RTL10: variants seen among roughly 807,000 people sequenced by gnomAD.
RTL10 encodes the protein protein Bop.
For missense variants in RTL10, 477 were observed against 470.7 expected, an observed-to-expected ratio of 1.01 and a Z score of -0.12; for synonymous variants, 199 against 188.4, an observed-to-expected ratio of 1.06 and a Z score of -0.46.
intron 2 of RTL10, among the ~76,000 whole-genome samples, chr22:19,853,065 C>A (rs1183888750): frequency 6.6e-6 from 1 of 152,168 alleles, no homozygotes; most frequent in Admixed American, 6.5e-5. Context: ...TACCTGCTTC[C>A]CCGACAGAGC....
At position 19,849,130 on chromosome 22, in the gene RTL10, T is replaced by A. The variant is rs1221932286; in HGVS notation, c.*2037A>T. 1.0e-6 allele frequency: 1 copy of A among 985,402 alleles called. No individual in the cohort carries two copies. Among genetic ancestry groups the A allele is most frequent in the East Asian group, 1.1e-4 (1 of 8,812 alleles). The allele number at this position is 985,402 out of a possible 1,614,324, so 61.0% of individuals were successfully genotyped here. A position where few individuals can be genotyped will look rare whatever the true frequency, so the allele number is the denominator to read the frequency against. ...AGGGACTTCTCACATCTGACCAGAA[T>A]CAAGACTGAAAATGGGTTTCTTCTG... On this transcript the variant is annotated 3_prime_UTR_variant, in exon 3 of 3. Transcript: ENST00000328554.
chr22:19,846,340 A>AC lies in RTL10; in HGVS notation c.*4826dup. The AC allele has an allele frequency of 1.2e-6, 1 of 815,196 alleles. No individual in the cohort carries two copies. Among genetic ancestry groups the AC allele is most frequent in the Non-Finnish European group, 1.5e-6 (1 of 674,068 alleles). The allele number at this position is 815,196 out of a possible 1,614,324, so 50.5% of individuals were successfully genotyped here. A position where few individuals can be genotyped will look rare whatever the true frequency, so the allele number is the denominator to read the frequency against. On this transcript the variant is annotated 3_prime_UTR_variant, in exon 3 of 3. Coordinates refer to ENST00000328554, the MANE Select transcript of RTL10 (RefSeq NM_024627.6). ...TGGGAATACAGGATAATGCCTTTGT[A>AC]CCCCCCAGGTAGGGAAAGATTTCTT... is the stretch of plus-strand genomic sequence containing the variant.
In RTL10 at chr22:19,851,768, G is replaced by A. The variant is rs770358573; in HGVS notation, c.494C>T (p.Pro165Leu). ...APYLDGDLPL[P>L]DDYELFCQDL... ...CTGGCAGAAGAGCTCGTAATCGTCAGGCAGGGGCAGGTCCCCATCAAGGTA... is the reference window on the plus strand; with the variant it reads ...CTGGCAGAAGAGCTCGTAATCGTCAAGCAGGGGCAGGTCCCCATCAAGGTA... Residue 165 changes from proline to leucine, a missense_variant, in exon 3 of 3, where the codon CCT becomes CTT. Transcript: ENST00000328554. 6.2e-7 allele frequency: 1 copy of A among 1,612,462 alleles called. No homozygotes were observed. Among genetic ancestry groups the A allele is most frequent in the Admixed American group, 1.7e-5 (1 of 59,926 alleles).
Position 19,846,516 on chromosome 22 carries a change from A to G in RTL10, c.*4651T>C, listed in dbSNP as rs992342602. On this transcript the variant is annotated 3_prime_UTR_variant, in exon 3 of 3. Transcript: ENST00000328554. ...TGTGGAGACCACAGAAGCCTGCCCA[A>G]TATAGCGCTGCCAGGAACAGCAAAG... The G allele has an allele frequency of 6.1e-6, 6 of 985,368 alleles. No homozygotes were observed. In the African/African-American group the frequency reaches 1.0e-4, roughly 17 times the overall value. 61.0% of individuals were successfully genotyped at this position (985,368 alleles called of 1,614,324 possible).
Position 19,851,100 on chromosome 22 carries a change from A to G in RTL10, c.*67T>C, listed in dbSNP as rs1461036266. On this transcript the variant is annotated 3_prime_UTR_variant, in exon 3 of 3. Transcript: ENST00000328554. The stretch of plus-strand genomic sequence containing the variant: ...CACCACTCTGCTCTGACTGGGGACT[A>G]TGGGGCGCTCAAGCCACACAGGCCA... 2 of 1,499,764 alleles carry G rather than the reference A, an allele frequency of 1.3e-6. No individual in the cohort carries two copies. The highest frequency in any genetic ancestry group is 2.3e-5 in the Admixed American group (1 of 44,058). The allele number at this position is 1,499,764 out of a possible 1,614,324, so 92.9% of individuals were successfully genotyped here.
At position 19,847,436 on chromosome 22, in the gene RTL10, C is replaced by G. The variant is rs1937986653; in HGVS notation, c.*3731G>C. On this transcript the variant is annotated 3_prime_UTR_variant, in exon 3 of 3. Coordinates refer to ENST00000328554, the MANE Select transcript of RTL10 (RefSeq NM_024627.6). The stretch of plus-strand genomic sequence containing the variant: ...CACCCATGAGGTGGGTGTTAGAGGG[C>G]CCAGACCCCAGCCAAGGCACTGCAT... 5 of 985,270 alleles carry G rather than the reference C, an allele frequency of 5.1e-6. No homozygotes were observed. The highest frequency in any genetic ancestry group is 6.0e-6 in the Non-Finnish European group (5 of 829,914). 61.0% of individuals were successfully genotyped at this position (985,270 alleles called of 1,614,324 possible).
Position 19,848,887 on chromosome 22 carries a change from G to A in RTL10, c.*2280C>T. The A allele has an allele frequency of 3.0e-6, 3 of 985,394 alleles. No homozygotes were observed. Among genetic ancestry groups the A allele is most frequent in the Non-Finnish European group, 3.6e-6 (3 of 829,910 alleles). The allele number at this position is 985,394 out of a possible 1,614,324, so 61.0% of individuals were successfully genotyped here. On this transcript the variant is annotated 3_prime_UTR_variant, in exon 3 of 3. Transcript: ENST00000328554. ...AGGTGGCCTGTCCAGAAGCCTGTGGGACAGGGTAAAGGTCAGCTGGGTGAC... is the reference window on the plus strand; with the variant it reads ...AGGTGGCCTGTCCAGAAGCCTGTGGAACAGGGTAAAGGTCAGCTGGGTGAC...
chr22:19,849,957 TTTC>T lies in RTL10; in HGVS notation c.*1207_*1209del, dbSNP rs1353429330. The T allele has an allele frequency of 1.0e-6, 1 of 985,394 alleles. No individual in the cohort carries two copies. The highest frequency in any genetic ancestry group is 1.7e-5 in the African/African-American group (1 of 57,226). 61.0% of individuals were successfully genotyped at this position (985,394 alleles called of 1,614,324 possible). ...AACCCCTCCTTGTGTGGAACAGGTCTTTCTTCATTCCATTCCTCTGGGCCTGGG... is the reference window on the plus strand; with the variant it reads ...AACCCCTCCTTGTGTGGAACAGGTCTTTCATTCCATTCCTCTGGGCCTGGG... On this transcript the variant is annotated 3_prime_UTR_variant, in exon 3 of 3. Transcript: ENST00000328554.
In RTL10 at chr22:19,848,994, G is replaced by A. The variant is rs115759616; in HGVS notation, c.*2173C>T. 4,142 of 985,522 alleles carry A rather than the reference G, an allele frequency of 4.2e-3. 117 individuals are homozygous for A. The African/African-American group carries it at 0.068, about 16-fold the overall frequency. The allele number at this position is 985,522 out of a possible 1,614,324, so 61.0% of individuals were successfully genotyped here. On this transcript the variant is annotated 3_prime_UTR_variant, in exon 3 of 3. Coordinates refer to ENST00000328554, the MANE Select transcript of RTL10 (RefSeq NM_024627.6). ...CCAGGCCACAGTGCACTGGAGGTAG[G>A]CATCAGGGAGCAGTCTGACCCAACC...
chr22:19,851,885 G>A lies in RTL10; in HGVS notation c.377C>T (p.Ser126Phe), dbSNP rs1385228121. Residue 126 changes from serine to phenylalanine, a missense_variant, in exon 3 of 3, where the codon TCC becomes TTC. Coordinates refer to ENST00000328554, the MANE Select transcript of RTL10 (RefSeq NM_024627.6). ...RFLAQLGDYM[S>F]FHFEHYQDNI... ...GTCCTGATAGTGCTCAAAGTGGAAG[G>A]ACATGTAATCGCCCAGCTGGGCCAA... 6.2e-7 allele frequency: 1 copy of A among 1,614,062 alleles called. No homozygotes were observed. The highest frequency in any genetic ancestry group is 2.2e-5 in the East Asian group (1 of 44,880).
Position 19,851,134 on chromosome 22 carries a change from T to C in RTL10, c.*33A>G, listed in dbSNP as rs1044239781. ...TCAAGCCACACAGGCCACTTCATCA[T>C]GAGGGGCAGCATTGTTCCCACCTGG... is the stretch of plus-strand genomic sequence containing the variant. On this transcript the variant is annotated 3_prime_UTR_variant, in exon 3 of 3. Coordinates refer to ENST00000328554, the MANE Select transcript of RTL10 (RefSeq NM_024627.6). 1.0e-5 allele frequency: 16 copies of C among 1,549,886 alleles called. No homozygotes were observed. The Admixed American group carries it at 2.5e-4, about 24-fold the overall frequency.
chr22:19,850,159 T>C lies in RTL10; in HGVS notation c.*1008A>G, dbSNP rs1210650485. The C allele has an allele frequency of 1.0e-6, 1 of 985,326 alleles. No individual in the cohort carries two copies. The highest frequency in any genetic ancestry group is 1.2e-6 in the Non-Finnish European group (1 of 830,038). The allele number at this position is 985,326 out of a possible 1,614,324, so 61.0% of individuals were successfully genotyped here. On this transcript the variant is annotated 3_prime_UTR_variant, in exon 3 of 3. Transcript: ENST00000328554. Reference sequence around the variant, plus strand: ...CCACAGCTGCAATGCTGACCTGGAATGCTCATGGCCAGGCCTCTGCTCCTG... The same window carrying C: ...CCACAGCTGCAATGCTGACCTGGAACGCTCATGGCCAGGCCTCTGCTCCTG...
chr22:19,853,989 C>T (rs994272300), intron 2 of RTL10, among the ~76,000 whole-genome samples: 4 of 152,210 alleles, frequency 2.6e-5, no homozygotes, highest in African/African-American at 9.7e-5. Flanking sequence ...ACCCTGCCCA[C>T]TCACCTGCGC....
rs763858560 is a variant in RTL10, at chr22:19,852,077, A to G, written c.185T>C (p.Met62Thr). 8.7e-6 allele frequency: 14 copies of G among 1,614,068 alleles called. No homozygotes were observed. Among genetic ancestry groups the G allele is most frequent in the Admixed American group, 1.7e-5 (1 of 60,014 alleles). Residue 62 changes from methionine to threonine, a missense_variant, in exon 3 of 3, where the codon ATG (methionine) becomes ACG (threonine). Physicochemically the swap from Met to Thr is moderately conservative, Grantham distance 81. Coordinates refer to ENST00000328554, the MANE Select transcript of RTL10 (RefSeq NM_024627.6). ...CGDTVCVRTT[M>T]EQKSTASGTC... is the part of the protein sequence containing the mutation. ...GCCACTAGCTGTGCTCTTCTGCTCC[A>G]TGGTCGTTCGCACACACACGGTGTC... is the stretch of plus-strand genomic sequence containing the variant.
chr22:19,850,409 G>A lies in RTL10; in HGVS notation c.*758C>T, dbSNP rs1346343001. The A allele has an allele frequency of 1.0e-6, 1 of 991,096 alleles. No homozygotes were observed. Among genetic ancestry groups the A allele is most frequent in the Non-Finnish European group, 1.2e-6 (1 of 834,054 alleles). 61.4% of individuals were successfully genotyped at this position (991,096 alleles called of 1,614,324 possible). A position where few individuals can be genotyped will look rare whatever the true frequency, so the allele number is the denominator to read the frequency against. ...TGCATGCGAGTGCGGAGTGAGCAGGGGATGGCAGCACAGCAGCAGGGAAGA... is the reference window on the plus strand; with the variant it reads ...TGCATGCGAGTGCGGAGTGAGCAGGAGATGGCAGCACAGCAGCAGGGAAGA... On this transcript the variant is annotated 3_prime_UTR_variant, in exon 3 of 3. Transcript: ENST00000328554.
rs1485945745 is a variant in RTL10, at chr22:19,849,252, C to G, written c.*1915G>C. On this transcript the variant is annotated 3_prime_UTR_variant, in exon 3 of 3. Coordinates refer to ENST00000328554, the MANE Select transcript of RTL10 (RefSeq NM_024627.6). ...TCCAGTTGTTTTACCTACAAGGTAT[C>G]TGTGCCCTGAAATAACTCACACATA... 1 of 984,994 alleles carries G rather than the reference C, an allele frequency of 1.0e-6. No individual in the cohort carries two copies. The highest frequency in any genetic ancestry group is 1.2e-6 in the Non-Finnish European group (1 of 829,624). 61.0% of individuals were successfully genotyped at this position (984,994 alleles called of 1,614,324 possible). A position where few individuals can be genotyped will look rare whatever the true frequency, so the allele number is the denominator to read the frequency against.
intron 2 of RTL10, among the ~76,000 whole-genome samples, chr22:19,854,239 G>T (rs1038919668): frequency 3.9e-5 from 6 of 152,338 alleles, no homozygotes; most frequent in African/African-American, 1.4e-4. Context: ...CGGCGCATGT[G>T]TGTTTGCCCC....
intron 2 of RTL10, 122 bp from the exon 3 acceptor site, chr22:19,852,608 A>C: frequency 3.7e-6 from 1 of 269,056 alleles, no homozygotes; most frequent in Non-Finnish European, 7.0e-6. Context: ...GAATGGAAGG[A>C]GGGGCCCAGG....
At position 19,849,372 on chromosome 22, in the gene RTL10, G is replaced by T. The variant is rs762297903; in HGVS notation, c.*1795C>A. 15,182 of 665,186 alleles carry T rather than the reference G, an allele frequency of 0.023. 126 individuals are homozygous for T. The highest frequency in any genetic ancestry group is 0.025 in the Non-Finnish European group (13,718 of 546,768). The allele number at this position is 665,186 out of a possible 1,614,324, so 41.2% of individuals were successfully genotyped here. On this transcript the variant is annotated 3_prime_UTR_variant, in exon 3 of 3. Coordinates refer to ENST00000328554, the MANE Select transcript of RTL10 (RefSeq NM_024627.6). ...CTAAATAAGGTTTTTGTTTTTTGTTGTTTTTTTTTTTTTGGGATGGAGTTT... is the reference window on the plus strand; with the variant it reads ...CTAAATAAGGTTTTTGTTTTTTGTTTTTTTTTTTTTTTTGGGATGGAGTTT...
Sources: allele counts gnomAD v4.1 joint callset (sites outside exome capture counted in the v4.1 genomes callset), GRCh38; gene constraint gnomAD v4.1.1; transcripts MANE v1.5; gene names NCBI Gene and HGNC (gene_info 2026-07-23, HGNC 2026-07-21).